Variants in CNBD1 observed in about 807,000 individuals in gnomAD.
CNBD1 encodes the protein cyclic nucleotide binding domain containing 1.
In CNBD1, 71 loss-of-function variants were observed where a neutral mutation model predicts 54.4. The ratio of observed to expected loss-of-function variants is 1.30; its 90% CI spans 1.08 to 1.59. The LOEUF is 1.59. CNBD1 is among the 40% of genes most tolerant of loss of function. The probability of loss-of-function intolerance (pLI) is 0.00; values close to 1 mark genes in which losing one functional copy is unlikely to be tolerated. For synonymous variants in CNBD1, 182 were observed against 170.7 expected (o/e 1.07, Z -0.51); for missense variants, 659 against 518.0 (o/e 1.27, Z -2.64).
At chr8:86,957,979 T>G (rs573451114) in intron 4 of CNBD1, among the ~76,000 whole-genome samples, 1 of 152,328 alleles carries the variant, frequency 6.6e-6, no homozygotes, top group Non-Finnish European at 1.5e-5. Flanking sequence ...TGCTATAAAT[T>G]TCCCTCTACA....
intron 2 of CNBD1, among the ~76,000 whole-genome samples, chr8:86,897,579 C>T (rs754779177): frequency 1.3e-5 from 2 of 152,184 alleles, no homozygotes; most frequent in African/African-American, 2.4e-5. Context: ...GATAGTGAGT[C>T]TACCCATGAA....
chr8:87,290,706 C>G (rs1036659866), intron 8 of CNBD1, among the ~76,000 whole-genome samples: 1 of 152,070 alleles, frequency 6.6e-6, no homozygotes, highest in African/African-American at 2.4e-5. Context: ...CTTCATTTCT[C>G]CTTTACTTTT....
At chr8:86,968,200 G>A (rs777824826) in intron 4 of CNBD1, among the ~76,000 whole-genome samples, 4 of 152,088 alleles carry the variant, frequency 2.6e-5, no homozygotes, top group African/African-American at 4.8e-5. Context: ...TAAGAAAACC[G>A]TATTGCTCTG....
chr8:87,199,627 T>C (rs764138252), intron 4 of CNBD1, among the ~76,000 whole-genome samples: 1 of 152,218 alleles, frequency 6.6e-6, no homozygotes, highest in Non-Finnish European at 1.5e-5. Context: ...GTACAGTAGA[T>C]TGCTAGAATT....
At chr8:87,034,556 G>T (rs891326261) in intron 4 of CNBD1, among the ~76,000 whole-genome samples, 1 of 152,124 alleles carries the variant, frequency 6.6e-6, no homozygotes, top group African/African-American at 2.4e-5. Flanking sequence ...TAACTGTGAT[G>T]GTGCCATGTA....
intron 8 of CNBD1, among the ~76,000 whole-genome samples, chr8:87,348,934 T>C (rs1810227490): frequency 6.6e-6 from 1 of 152,216 alleles, no homozygotes; most frequent in African/African-American, 2.4e-5. Context: ...TCTTTTCCTT[T>C]GCCTTAAGAT....
intron 4 of CNBD1, among the ~76,000 whole-genome samples, chr8:86,940,550 A>T (rs1809636693): frequency 6.6e-6 from 1 of 152,220 alleles, no homozygotes; most frequent in Admixed American, 6.5e-5. Context: ...GGAGAAGATT[A>T]AATCTGAGTG....
At chr8:87,400,677 A>C (rs1807549182) in intron 2 of CNBD1, among the ~76,000 whole-genome samples, 1 of 152,002 alleles carries the variant, frequency 6.6e-6, no homozygotes, top group Non-Finnish European at 1.5e-5. Flanking sequence ...CATTGTGGAA[A>C]ATAGTCTGTA....
At chr8:87,423,125 G>A (rs1404939211) in intron 2 of CNBD1, among the ~76,000 whole-genome samples, 2 of 152,108 alleles carry the variant, frequency 1.3e-5, no homozygotes, top group Non-Finnish European at 2.9e-5. Context: ...CATTGATTTT[G>A]TATCCTGAGA....
At chr8:86,975,450 A>G (rs1250431823) in intron 4 of CNBD1, among the ~76,000 whole-genome samples, 1 of 151,260 alleles carries the variant, frequency 6.6e-6, no homozygotes, top group Non-Finnish European at 1.5e-5. Flanking sequence ...TGACTTTTTT[A>G]GATTTTGCAT....
intron 6 of CNBD1, among the ~76,000 whole-genome samples, chr8:87,283,526 GC>G (rs1244023554): frequency 6.6e-6 from 1 of 151,964 alleles, no homozygotes; most frequent in African/African-American, 2.4e-5. Context: ...TGTGTACCAG[GC>G]TTTTTATTGA....
intron 8 of CNBD1, among the ~76,000 whole-genome samples, chr8:87,324,491 G>C (rs1054908190): frequency 3.1e-4 from 45 of 147,226 alleles, no homozygotes; most frequent in Non-Finnish European, 6.1e-4. Flanking sequence ...TCCTGTTATT[G>C]GTCTATTCAG....
chr8:86,940,132 C>CATTTTT (rs34011702), intron 4 of CNBD1, among the ~76,000 whole-genome samples: 5 of 88,742 alleles, frequency 5.6e-5, no homozygotes, highest in Non-Finnish European at 8.1e-5. Flanking sequence ...CCACATGTTA[C>CATTTTT]TTTTTTTTTT....
intron 4 of CNBD1, among the ~76,000 whole-genome samples, chr8:87,079,620 C>T (rs1235876665): frequency 6.6e-6 from 1 of 151,970 alleles, no homozygotes; most frequent in Admixed American, 6.6e-5. Context: ...TATTTTTTCG[C>T]TTATTGATTT....
intron 4 of CNBD1, among the ~76,000 whole-genome samples, chr8:87,092,826 A>G (rs1450716049): frequency 2.0e-5 from 3 of 152,074 alleles, no homozygotes; most frequent in African/African-American, 7.2e-5. Context: ...CCATTTATCA[A>G]TTCTGAAATT....
chr8:87,411,399 T>TATATAC (rs1554588029), intron 2 of CNBD1, among the ~76,000 whole-genome samples: 4 of 127,584 alleles, frequency 3.1e-5, no homozygotes, highest in African/African-American at 9.5e-5. Flanking sequence ...AGCTATATCA[T>TATATAC]ATATATATAT....
chr8:87,254,172 G>A (rs946911544), intron 6 of CNBD1, among the ~76,000 whole-genome samples: 9 of 152,104 alleles, frequency 5.9e-5, no homozygotes, highest in Non-Finnish European at 1.3e-4. Flanking sequence ...CTCAGGCAAC[G>A]CAGCCACCTA....
intron 2 of CNBD1, among the ~76,000 whole-genome samples, chr8:87,401,609 AG>A (rs1807566973): frequency 6.6e-6 from 1 of 151,972 alleles, no homozygotes; most frequent in Non-Finnish European, 1.5e-5. Flanking sequence ...TTTCAGTTAG[AG>A]GTTGCTGGGC....
intron 5 of CNBD1, among the ~76,000 whole-genome samples, chr8:87,220,498 A>AG (rs1220724361): frequency 7.1e-6 from 1 of 140,494 alleles, no homozygotes; most frequent in African/African-American, 2.8e-5. Context: ...TAACTGTCCA[A>AG]GTTTTTTTTT....
Sources: gnomAD v4.1 joint callset for allele counts (sites outside exome capture counted in the v4.1 genomes callset) on GRCh38, gnomAD v4.1.1 for gene constraint, MANE v1.5 for transcripts, NCBI Gene and HGNC (gene_info 2026-07-23, HGNC 2026-07-21) for gene names.